The following AFF3 variants were observed in gnomAD, a reference collection of about 807,000 sequenced individuals.
AFF3 encodes ALF transcription elongation factor 3.
AFF3 carries 32 observed loss-of-function variants against 129.7 expected under a neutral mutation model. That is an observed-to-expected ratio of 0.25 (90% CI 0.19 to 0.33). The LOEUF (loss-of-function observed/expected upper bound fraction) is 0.33. Among genes scored for constraint, AFF3 ranks in the 10% least tolerant of loss-of-function variants. The pLI is 1.00. For synonymous variants in AFF3, 644 were observed against 635.4 expected (o/e 1.01, Z -0.20); for missense variants, 1,373 against 1,592.0 (o/e 0.86, Z 2.34).
At chr2:99,620,251 C>T (rs1054005748) in intron 13 of AFF3, among the ~76,000 whole-genome samples, 1 of 152,130 alleles carries the variant, frequency 6.6e-6, no homozygotes, top group Non-Finnish European at 1.5e-5. Flanking sequence ...TCTCAGTGAC[C>T]CACATGAAGA....
chr2:99,925,532 T>A (rs1405821075), intron 7 of AFF3, among the ~76,000 whole-genome samples: 2 of 152,170 alleles, frequency 1.3e-5, no homozygotes, highest in Non-Finnish European at 2.9e-5. Flanking sequence ...TAGTCGGCAC[T>A]CAGTGAAAGT....
intron 7 of AFF3, among the ~76,000 whole-genome samples, chr2:99,880,263 G>A (rs543297055): frequency 6.6e-6 from 1 of 152,330 alleles, no homozygotes; most frequent in South Asian, 2.1e-4. Flanking sequence ...TAAAGCTAAT[G>A]AAGCAAGACA....
rs761743086 is a variant in AFF3, at chr2:99,554,693, C to T, written c.3325G>A (p.Ala1109Thr). 3 of 1,613,940 alleles carry T rather than the reference C, an allele frequency of 1.9e-6. No homozygotes were observed. The highest frequency in any genetic ancestry group is 2.2e-5 in the East Asian group (1 of 44,886). The change falls in exon 23 of 25, where the codon GCC becomes ACC. Residue 1109 changes from alanine to threonine, a missense_variant. Around this residue, in one of 9 missense-constraint regions of AFF3, gnomAD observed 165 missense variants for 234.0 expected, o/e 0.71. Transcript: ENST00000672756. Reference sequence around the variant, plus strand: ...GAAAAGCGAACTTACTTTCCACTGGCCCCCCACGGAGATGGGGCTTGGGCG... The same window carrying T: ...GAAAAGCGAACTTACTTTCCACTGGTCCCCCACGGAGATGGGGCTTGGGCG... ...KAAQAPSPWG[A>T]SGKSTGTPSP...
At chr2:100,034,515 A>G (rs539398375) in intron 4 of AFF3, among the ~76,000 whole-genome samples, 2 of 152,292 alleles carry the variant, frequency 1.3e-5, no homozygotes, top group East Asian at 3.9e-4. Context: ...ATGGAAGTCC[A>G]TAAAAACCTA....
Position 99,549,534 on chromosome 2 carries a change from G to A in AFF3, c.*1940C>T, listed in dbSNP as rs542758943. The A allele has an allele frequency of 2.1e-4, 39 of 183,610 alleles. No individual in the cohort carries two copies. Among genetic ancestry groups the A allele is most frequent in the South Asian group, 2.0e-4 (1 of 5,094 alleles). 11.4% of individuals were successfully genotyped at this position (183,610 alleles called of 1,614,324 possible). On this transcript the variant is annotated 3_prime_UTR_variant, in exon 25 of 25. Coordinates refer to ENST00000672756, the MANE Select transcript of AFF3 (RefSeq NM_001386135.1). ...CAGGAGGCAGAGGATGCAGTGAGCC[G>A]AGATCGTGCCACTGCACTCCAGCCT...
chr2:99,641,250 G>T (rs1684164317), intron 13 of AFF3, among the ~76,000 whole-genome samples: 2 of 152,224 alleles, frequency 1.3e-5, no homozygotes, highest in South Asian at 2.1e-4. Flanking sequence ...GTCTGATGCA[G>T]AGGGCTGCTA....
chr2:99,747,069 C>A (rs565834315), intron 9 of AFF3, among the ~76,000 whole-genome samples: 131 of 152,164 alleles, frequency 8.6e-4, no homozygotes, highest in Non-Finnish European at 1.5e-3. Flanking sequence ...GCTCTTGTTG[C>A]CTAGTCTGGA....
chr2:99,906,296 A>T (rs1694710317), intron 7 of AFF3, among the ~76,000 whole-genome samples: 1 of 152,166 alleles, frequency 6.6e-6, no homozygotes, highest in Non-Finnish European at 1.5e-5. Context: ...AGAAGCAAAG[A>T]GGTTAGGAAA....
At chr2:100,134,647 T>C (rs964627204) in intron 1 of AFF3, among the ~76,000 whole-genome samples, 3 of 152,228 alleles carry the variant, frequency 2.0e-5, no homozygotes, top group African/African-American at 7.2e-5. Context: ...GACGATCCTT[T>C]TAGAATTTAT....
chr2:99,808,084 G>A (rs1009388429), intron 8 of AFF3, among the ~76,000 whole-genome samples: 2 of 152,200 alleles, frequency 1.3e-5, no homozygotes, highest in African/African-American at 2.4e-5. Context: ...GTCTTAGAAC[G>A]AGGCTCTGGG....
chr2:99,808,286 C>T (rs944451009), intron 8 of AFF3, among the ~76,000 whole-genome samples: 1 of 152,132 alleles, frequency 6.6e-6, no homozygotes. Flanking sequence ...AAGGCAGAAT[C>T]AAGAGAGCCA....
intron 4 of AFF3, among the ~76,000 whole-genome samples, chr2:100,014,062 ACCT>A (rs886836567): frequency 4.0e-5 from 6 of 151,430 alleles, no homozygotes; most frequent in African/African-American, 1.5e-4. Flanking sequence ...GGGGGGGATG[ACCT>A]CCTTCCCACT....
At chr2:99,631,073 A>G in intron 13 of AFF3, 1 of 402,494 alleles carries the variant, frequency 2.5e-6, no homozygotes, top group Non-Finnish European at 5.2e-6. Context: ...CAGAACACGG[A>G]GTGGGGCTCA....
At chr2:99,667,806 A>G (rs1186578734) in intron 12 of AFF3, among the ~76,000 whole-genome samples, 1 of 152,174 alleles carries the variant, frequency 6.6e-6, no homozygotes, top group East Asian at 1.9e-4. Flanking sequence ...AGTATGAAAC[A>G]GATAATCTAA....
intron 4 of AFF3, among the ~76,000 whole-genome samples, chr2:100,073,821 C>A (rs1255978841): frequency 1.3e-5 from 2 of 152,058 alleles, no homozygotes; most frequent in Non-Finnish European, 2.9e-5. Flanking sequence ...TTGTGTTGCA[C>A]CTAAGTTTAA....
intron 2 of AFF3, among the ~76,000 whole-genome samples, chr2:100,110,927 A>T (rs558874020): frequency 6.6e-6 from 1 of 152,210 alleles, no homozygotes; most frequent in African/African-American, 2.4e-5. Flanking sequence ...CGTTTATGTC[A>T]GTCAGGATTT....
At chr2:100,077,525 T>C (rs931782343) in intron 4 of AFF3, among the ~76,000 whole-genome samples, 1 of 152,194 alleles carries the variant, frequency 6.6e-6, no homozygotes, top group Non-Finnish European at 1.5e-5. Context: ...AAACCCACTG[T>C]GGACTTCTGA....
At chr2:99,611,801 C>T (rs1031366666) in intron 13 of AFF3, among the ~76,000 whole-genome samples, 2 of 151,886 alleles carry the variant, frequency 1.3e-5, no homozygotes, top group Non-Finnish European at 2.9e-5. Context: ...GCAGGAGAAT[C>T]GCTTGAACAT....
chr2:100,041,417 T>G (rs1685421457), intron 4 of AFF3, among the ~76,000 whole-genome samples: 2 of 152,340 alleles, frequency 1.3e-5, no homozygotes, highest in East Asian at 1.9e-4. Context: ...CAATGTTCTG[T>G]GTTCAGATGA....
Sources: allele counts gnomAD v4.1 joint callset (sites outside exome capture counted in the v4.1 genomes callset), GRCh38; gene constraint gnomAD v4.1.1; regional missense constraint gnomAD v4.1.1; transcripts MANE v1.5; gene names NCBI Gene and HGNC (gene_info 2026-07-23, HGNC 2026-07-21).